PIEZO1: variants seen among roughly 807,000 people sequenced by gnomAD.
PIEZO1 encodes the protein piezo type mechanosensitive ion channel component 1 (Er blood group), also known as piezo-type mechanosensitive ion channel component 1.
Under a neutral mutation model 297.2 loss-of-function variants are expected in PIEZO1, and 296 were observed. The ratio of observed to expected loss-of-function variants is 1.00; its 90% CI spans 0.91 to 1.10. The LOEUF is 1.10. Ranked by LOEUF, PIEZO1 falls within the 50% of genes least tolerant of loss-of-function variation. The probability of loss-of-function intolerance (pLI) is 0.00; values close to 1 mark genes in which losing one functional copy is unlikely to be tolerated. For missense variants in PIEZO1, 5,018 were observed against 3,455.5 expected (o/e 1.45, Z -11.34); for synonymous variants, 2,427 against 1,507.5 (o/e 1.61, Z -14.13).
intron 2 of PIEZO1, chr16:88,743,365 G>C (rs8048714): frequency 0.86 from 387,640 of 450,446 alleles, 167,308 homozygotes; most frequent in East Asian, 0.95. Flanking sequence ...ACCCCGGCAC[G>C]TGCTGGCAGG....
chr16:88,725,005 G>C lies in PIEZO1; in HGVS notation c.4234+4C>G. ...GTGGCCACAGGCGGCCTAATTGGGG[G>C]TACCTGTGGCGTGGTCCAGCCAGGG... On this transcript the variant is annotated splice_donor_region_variant and intron_variant, in intron 30 of 50. Transcript: ENST00000301015. 2.0e-6 allele frequency: 3 copies of C among 1,470,306 alleles called. No homozygotes were observed. The highest frequency in any genetic ancestry group is 2.7e-6 in the Non-Finnish European group (3 of 1,110,100). 91.1% of individuals were successfully genotyped at this position (1,470,306 alleles called of 1,614,324 possible).
chr16:88,719,608 ATGTTGG>A lies in PIEZO1; in HGVS notation c.6431_6436del (p.Ala2144_Ile2146delinsVal). The stretch of plus-strand genomic sequence containing the variant: ...CTCTCGGCTGCATTTGATGATGAAG[ATGTTGG>A]CATAGATGTCCTCCACACACATCCA... On this transcript the variant is annotated inframe_deletion, in exon 44 of 51. Coordinates refer to ENST00000301015, the MANE Select transcript of PIEZO1 (RefSeq NM_001142864.4). The A allele has an allele frequency of 6.4e-7, 1 of 1,551,738 alleles. No homozygotes were observed.
At chr16:88,766,981 A>T (rs747423607) in intron 1 of PIEZO1, among the ~76,000 whole-genome samples, 3 of 152,250 alleles carry the variant, frequency 2.0e-5, no homozygotes, top group Non-Finnish European at 2.9e-5. Flanking sequence ...AATGCAGAGA[A>T]GCACAAAGTA....
chr16:88,773,698 C>T (rs1453018293), intron 1 of PIEZO1, among the ~76,000 whole-genome samples: 2 of 151,520 alleles, frequency 1.3e-5, no homozygotes, highest in East Asian at 1.9e-4. Flanking sequence ...ACAGGCAGGT[C>T]GGGGGAGTGG....
intron 5 of PIEZO1, 138 bp from the exon 6 acceptor site, chr16:88,738,874 C>CG (rs1349958804): frequency 1.4e-6 from 1 of 729,820 alleles, no homozygotes; most frequent in Admixed American, 2.7e-5. Flanking sequence ...ACAGCCTCCC[C>CG]GGGCACAGGC....
Position 88,738,071 on chromosome 16 carries a change from T to C in PIEZO1, c.883A>G (p.Asn295Asp), listed in dbSNP as rs1291041852. 2.0e-6 allele frequency: 3 copies of C among 1,535,680 alleles called. No homozygotes were observed. The African/African-American group carries it at 4.1e-5, about 21-fold the overall frequency. ...LGLKDFVGPT[N>D]CSSPHALVLN... is the part of the protein sequence containing the mutation. ...ACCAGCGCGTGGGGGCTGGAGCAGT[T>C]GGTGGGACCCACGAAGTCCTTGAGA... Residue 295 changes from asparagine to aspartate, a missense_variant, in exon 8 of 51, where the codon AAC becomes GAC. By Grantham distance (23) the Asn-to-Asp change is conservative. Coordinates refer to ENST00000301015, the MANE Select transcript of PIEZO1 (RefSeq NM_001142864.4).
At chr16:88,719,491 G>A (rs934903177) in intron 44 of PIEZO1, 83 bp downstream of exon 44, 3 of 1,358,940 alleles carry the variant, frequency 2.2e-6, no homozygotes, top group East Asian at 2.5e-5. Context: ...AGCACCACGG[G>A]TTCTCGTGGC....
chr16:88,727,053 G>C lies in PIEZO1; in HGVS notation c.3441C>G (p.Asn1147Lys), dbSNP rs780765106. The C allele has an allele frequency of 1.9e-6, 3 of 1,549,216 alleles. No homozygotes were observed. The highest frequency in any genetic ancestry group is 2.0e-5 in the Admixed American group (1 of 50,990). Reference sequence around the variant, plus strand: ...GTGGAACCCACCTGCAGTGGATAAAGTTGGGCACGGGGTTGGGCTCCCCCC... The same window carrying C: ...GTGGAACCCACCTGCAGTGGATAAACTTGGGCACGGGGTTGGGCTCCCCCC... ...PLRGEPNPVP[N>K]FIHCRSYLDM... is the part of the protein sequence containing the mutation. Residue 1147 changes from asparagine (N) to lysine (K), a missense_variant, in exon 24 of 51, where the codon AAC becomes AAG. By Grantham distance (94) the Asn-to-Lys change is moderately conservative. Transcript: ENST00000301015.
chr16:88,765,458 C>G (rs1429486781), intron 1 of PIEZO1, among the ~76,000 whole-genome samples: 1 of 152,160 alleles, frequency 6.6e-6, no homozygotes, highest in African/African-American at 2.4e-5. Flanking sequence ...TCAGCCCTCC[C>G]CTCTCTGTGC....
At position 88,738,395 on chromosome 16, in the gene PIEZO1, A is replaced by G; in HGVS notation, c.680T>C (p.Phe227Ser). 6.5e-7 allele frequency: 1 copy of G among 1,535,838 alleles called. No homozygotes were observed. The highest frequency in any genetic ancestry group is 1.4e-5 in the African/African-American group (1 of 73,158). Residue 227 changes from phenylalanine (F) to serine (S), a missense_variant, in exon 7 of 51, where the codon TTC (phenylalanine) becomes TCC (serine). Transcript: ENST00000301015. ...GGCCCACCAGGTGCAGAGGGCCAGG[A>G]AGAGCAGCAGGTAGACACTGGAGAG... ...SALSSVYLLL[F>S]LALCTWWACH...
At chr16:88,733,821 C>T (rs1905035771) in intron 17 of PIEZO1, 76 bp from the exon 18 acceptor site, 3 of 1,466,284 alleles carry the variant, frequency 2.0e-6, no homozygotes, top group Admixed American at 2.4e-5. Flanking sequence ...GCTCTGGAGC[C>T]CAGAGGGGAC....
At chr16:88,717,261 G>A (rs912875464) in intron 44 of PIEZO1, 50 bp from the exon 45 acceptor site, 1 of 1,479,592 alleles carries the variant, frequency 6.8e-7, no homozygotes, top group Non-Finnish European at 9.2e-7. Flanking sequence ...CTTCCTGCGG[G>A]TCACACAACC....
chr16:88,727,487 GAGC>G lies in PIEZO1; in HGVS notation c.3301+67_3301+69del, dbSNP rs1213817754. ...CGTGCACGCCTGTGTGCACACTTGT[GAGC>G]AGATTTGGGGGCGTGAATGTACTCT... On this transcript the variant is annotated intron_variant, in intron 23 of 50. Transcript: ENST00000301015. 7.3e-6 allele frequency: 5 copies of G among 680,724 alleles called. No homozygotes were observed. The Admixed American group carries it at 1.4e-4, about 20-fold the overall frequency. The allele number at this position is 680,724 out of a possible 1,614,324, so 42.2% of individuals were successfully genotyped here.
chr16:88,732,211 C>A, intron 21 of PIEZO1, 124 bp downstream of exon 21: 2 of 803,808 alleles, frequency 2.5e-6, no homozygotes, highest in Middle Eastern at 2.7e-4. Context: ...GCCCTGAGTC[C>A]CCCACCCTCT....
At position 88,726,931 on chromosome 16, in the gene PIEZO1, G is replaced by T; in HGVS notation, c.3483C>A (p.Ala1161=). Residue 1161 remains alanine, a synonymous_variant, in exon 25 of 51, where the codon GCC becomes GCA. Transcript: ENST00000301015. ...CRSYLDMLKV[A]VFRYLFWLVL... ...CCAGCCAGAACAGGTATCGGAAGAC[G>T]GCCACCTTCAGCATGTCAAGGTAGG... The T allele has an allele frequency of 6.4e-7, 1 of 1,550,390 alleles. No homozygotes were observed. Among genetic ancestry groups the T allele is most frequent in the African/African-American group, 1.4e-5 (1 of 73,146 alleles).
chr16:88,749,761 T>C (rs1906288943), intron 1 of PIEZO1, among the ~76,000 whole-genome samples: 1 of 152,120 alleles, frequency 6.6e-6, no homozygotes. Context: ...GGTGCAGTGG[T>C]TCACACCTGT....
intron 31 of PIEZO1, 82 bp from the exon 32 acceptor site, chr16:88,723,410 G>C (rs1483139392): frequency 6.8e-7 from 1 of 1,463,896 alleles, no homozygotes; most frequent in African/African-American, 1.4e-5. Context: ...CAAGCCGGGC[G>C]CCAGATCCAG....
chr16:88,737,400 G>T, intron 10 of PIEZO1, 159 bp downstream of exon 10: 1 of 586,774 alleles, frequency 1.7e-6, no homozygotes, highest in East Asian at 3.0e-5. Flanking sequence ...GGTCTCGGGG[G>T]TCACTGACAC....
chr16:88,761,291 G>A (rs2142885195), intron 1 of PIEZO1, among the ~76,000 whole-genome samples: 1 of 152,352 alleles, frequency 6.6e-6, no homozygotes, highest in African/African-American at 2.4e-5. Flanking sequence ...TGAGCACACA[G>A]AGGCTGCAGG....
Sources: gnomAD v4.1 joint callset for allele counts (sites outside exome capture counted in the v4.1 genomes callset) on GRCh38, gnomAD v4.1.1 for gene constraint, MANE v1.5 for transcripts, NCBI Gene and HGNC (gene_info 2026-07-23, HGNC 2026-07-21) for gene names.